DTWD2: variants seen among roughly 807,000 people sequenced by gnomAD.
DTWD2 encodes DTW motif tRNA-uridine aminocarboxypropyltransferase 2.
A neutral mutation model predicts 31.8 loss-of-function variants in DTWD2; 39 were observed. That is an observed-to-expected ratio of 1.22 (90% CI 0.95 to 1.60). The LOEUF (loss-of-function observed/expected upper bound fraction) is 1.60. Ranked by LOEUF, DTWD2 falls within the 40% of genes most tolerant of loss-of-function variation. DTWD2 has a pLI of 0.00. For missense variants in DTWD2, 515 were observed against 381.5 expected (o/e 1.35, Z -2.92); for synonymous variants, 180 against 142.8 (o/e 1.26, Z -1.86).
At chr5:118,870,304 A>C (rs1752474329) in intron 4 of DTWD2, among the ~76,000 whole-genome samples, 1 of 152,224 alleles carries the variant, frequency 6.6e-6, no homozygotes, top group Non-Finnish European at 1.5e-5. Context: ...ACTAGACATA[A>C]ACTAAACATA....
rs374714642 is a variant in DTWD2, at chr5:118,926,006, G to A, written c.597+2531C>T. 9.9e-5 allele frequency among the ~76,000 whole-genome samples: 15 copies of A among 152,262 alleles called. No homozygotes were observed. The East Asian group carries it at 2.1e-3, about 22-fold the overall frequency. On this transcript the variant is annotated intron_variant, in intron 4 of 5. Transcript: ENST00000510708. The stretch of plus-strand genomic sequence containing the variant: ...GCACTTTGGGAAGCCGAGGTAGGGA[G>A]AGGATCACTTGAGCCCTGGAGTTCA...
chr5:118,906,846 T>C (rs1753345210), intron 4 of DTWD2, among the ~76,000 whole-genome samples: 1 of 152,160 alleles, frequency 6.6e-6, no homozygotes, highest in African/African-American at 2.4e-5. Flanking sequence ...GTTTATTGCA[T>C]GTGGGTTATA....
intron 4 of DTWD2, among the ~76,000 whole-genome samples, chr5:118,863,717 A>C (rs1405170178): frequency 6.6e-6 from 1 of 152,214 alleles, no homozygotes; most frequent in East Asian, 1.9e-4. Flanking sequence ...ATTCTCATGG[A>C]AGGAGCAGAT....
intron 1 of DTWD2, among the ~76,000 whole-genome samples, chr5:118,959,301 A>G (rs182356028): frequency 6.6e-6 from 1 of 152,312 alleles, no homozygotes; most frequent in Admixed American, 6.5e-5. Context: ...CTATACACCA[A>G]TAATGTCCAA....
At chr5:118,950,601 G>C (rs946698397) in intron 1 of DTWD2, among the ~76,000 whole-genome samples, 1 of 152,206 alleles carries the variant, frequency 6.6e-6, no homozygotes, top group African/African-American at 2.4e-5. Flanking sequence ...GCACAGATGG[G>C]ACATGACTAA....
At chr5:118,870,924 TATA>T (rs1162706943) in intron 4 of DTWD2, among the ~76,000 whole-genome samples, 1 of 149,312 alleles carries the variant, frequency 6.7e-6, no homozygotes, top group African/African-American at 2.4e-5. Context: ...CTAAATCTTA[TATA>T]ATAACTTATA....
intron 4 of DTWD2, among the ~76,000 whole-genome samples, chr5:118,909,470 C>A (rs1753410741): frequency 6.6e-6 from 1 of 152,168 alleles, no homozygotes; most frequent in Non-Finnish European, 1.5e-5. Context: ...ACCAGTTTTT[C>A]ACCTTCTCAG....
intron 5 of DTWD2, among the ~76,000 whole-genome samples, chr5:118,847,161 A>C (rs773026066): frequency 3.3e-5 from 5 of 152,042 alleles, no homozygotes; most frequent in Non-Finnish European, 7.4e-5. Flanking sequence ...CTCTGAACTG[A>C]GCTTTCATCT....
rs188687061 is a variant in DTWD2 at position 118,870,291 on chromosome 5, C to T, written c.598-22073G>A. Among the ~76,000 whole-genome samples, 10 of 152,206 alleles carry T rather than the reference C, an allele frequency of 6.6e-5. 1 individual carries two copies. The highest frequency in any genetic ancestry group is 3.3e-4 in the Admixed American group (5 of 15,290). On this transcript the variant is annotated intron_variant, in intron 4 of 5. Transcript: ENST00000510708. Reference sequence around the variant, plus strand: ...TATAGCACTGCTTACATAATAGTAACGAACTAGACATAAACTAAACATACA... The same window carrying T: ...TATAGCACTGCTTACATAATAGTAATGAACTAGACATAAACTAAACATACA...
intron 2 of DTWD2, among the ~76,000 whole-genome samples, chr5:118,940,243 A>G (rs764974564): frequency 1.3e-5 from 2 of 152,158 alleles, no homozygotes; most frequent in Non-Finnish European, 2.9e-5. Context: ...CTTGAATCCC[A>G]TAGAGCCAAG....
chr5:118,855,180 A>C lies in DTWD2; in HGVS notation c.598-6962T>G, dbSNP rs180702628. Among the ~76,000 whole-genome samples, 25 of 143,528 alleles carry C rather than the reference A, an allele frequency of 1.7e-4. No homozygotes were observed. In the South Asian group the frequency reaches 2.2e-3, roughly 13 times the overall value. 94.2% of individuals were successfully genotyped at this position (143,528 alleles called of 152,430 possible). The stretch of plus-strand genomic sequence containing the variant: ...AAACTCTGTCTCAAAAAAAAAAAAT[A>C]ATCATCATCATTTTCGGACCTGTAA... On this transcript the variant is annotated intron_variant, in intron 4 of 5. Coordinates refer to ENST00000510708, the MANE Select transcript of DTWD2 (RefSeq NM_173666.4).
At chr5:118,951,052 GA>G (rs144054229) in intron 1 of DTWD2, among the ~76,000 whole-genome samples, 2,179 of 152,042 alleles carry the variant, frequency 0.014, 46 homozygotes, top group African/African-American at 0.045. Flanking sequence ...CATATTTGAT[GA>G]AAAAAAGCCT....
intron 1 of DTWD2, among the ~76,000 whole-genome samples, chr5:118,986,906 T>A (rs1274544115): frequency 1.3e-5 from 2 of 152,174 alleles, no homozygotes; most frequent in East Asian, 3.8e-4. Context: ...ATAAGCAAAG[T>A]GCAGAAATGT....
chr5:118,839,660 C>G lies in DTWD2; in HGVS notation c.*1257G>C, dbSNP rs1751662903. The G allele has an allele frequency of 6.6e-6, 1 of 152,080 alleles. No individual in the cohort carries two copies. The highest frequency in any genetic ancestry group is 2.4e-5 in the African/African-American group (1 of 41,414). 9.4% of individuals were successfully genotyped at this position (152,080 alleles called of 1,614,324 possible). On this transcript the variant is annotated 3_prime_UTR_variant, in exon 6 of 6. Coordinates refer to ENST00000510708, the MANE Select transcript of DTWD2 (RefSeq NM_173666.4). ...TACAGGTGTGAGCTAATGGGCCCAGCCCTAATTTGTTTTTAAATCCAAAAA... is the reference window on the plus strand; with the variant it reads ...TACAGGTGTGAGCTAATGGGCCCAGGCCTAATTTGTTTTTAAATCCAAAAA...
At chr5:118,940,868 T>A (rs1359653938) in intron 2 of DTWD2, among the ~76,000 whole-genome samples, 1 of 152,190 alleles carries the variant, frequency 6.6e-6, no homozygotes, top group Non-Finnish European at 1.5e-5. Context: ...TATTATTAGT[T>A]AAGTCAATAA....
At chr5:118,950,508 T>A (rs1239191502) in intron 1 of DTWD2, among the ~76,000 whole-genome samples, 1 of 151,800 alleles carries the variant, frequency 6.6e-6, no homozygotes, top group Non-Finnish European at 1.5e-5. Flanking sequence ...GGGGAAGGAG[T>A]CAGAGAGCCT....
intron 4 of DTWD2, among the ~76,000 whole-genome samples, chr5:118,870,800 T>C (rs748167691): frequency 2.0e-5 from 3 of 152,172 alleles, no homozygotes; most frequent in Non-Finnish European, 4.4e-5. Context: ...CTCTGTAGCA[T>C]GTGATGCTGT....
intron 1 of DTWD2, among the ~76,000 whole-genome samples, chr5:118,963,440 G>T (rs1430755889): frequency 6.6e-6 from 1 of 152,214 alleles, no homozygotes; most frequent in Non-Finnish European, 1.5e-5. Context: ...AGAAAGGGGT[G>T]TATGGAGGAG....
intron 4 of DTWD2, among the ~76,000 whole-genome samples, chr5:118,897,349 C>G (rs535681702): frequency 3.7e-4 from 56 of 152,160 alleles, no homozygotes; most frequent in Non-Finnish European, 7.1e-4. Flanking sequence ...CAGAATGTCT[C>G]TAATTTGAGG....
Sources: allele counts gnomAD v4.1 joint callset (sites outside exome capture counted in the v4.1 genomes callset), GRCh38; gene constraint gnomAD v4.1.1; transcripts MANE v1.5; gene names NCBI Gene and HGNC (gene_info 2026-07-23, HGNC 2026-07-21).